The following DIAPH2 variants were observed in gnomAD, a reference collection of about 807,000 sequenced individuals.
DIAPH2 encodes diaphanous related formin 2.
A neutral mutation model predicts 92.7 loss-of-function variants in DIAPH2; 35 were observed. That is an observed-to-expected ratio of 0.38 (90% CI 0.29 to 0.50). DIAPH2 has a LOEUF of 0.50. DIAPH2 is among the 20% of genes least tolerant of loss of function. The pLI, the probability that DIAPH2 is intolerant of heterozygous loss-of-function variation, is 0.94. For missense variants in DIAPH2, 701 were observed against 819.5 expected, an observed-to-expected ratio of 0.86 and a Z score of 1.77; for synonymous variants, 301 against 280.4, an observed-to-expected ratio of 1.07 and a Z score of -0.73.
At chrX:97,223,683 G>A (rs1488728214) in intron 22 of DIAPH2, among the ~76,000 whole-genome samples, 1 of 110,247 alleles carries the variant, frequency 9.1e-6, no homozygotes, top group Non-Finnish European at 1.9e-5. Context: ...ATTCTCTATT[G>A]TGTAGTAAAG....
intron 23 of DIAPH2, among the ~76,000 whole-genome samples, chrX:97,317,976 A>G (rs2068854093): frequency 8.9e-6 from 1 of 111,831 alleles, no homozygotes; most frequent in Non-Finnish European, 1.9e-5. Flanking sequence ...GAGAAATTAT[A>G]TAAGATACAA....
At chrX:97,071,541 G>A (rs193115718) in intron 17 of DIAPH2, among the ~76,000 whole-genome samples, 3 of 111,089 alleles carry the variant, frequency 2.7e-5, no homozygotes, top group South Asian at 3.8e-4. Flanking sequence ...CTTTAGATTG[G>A]CCAGTCTGGT....
At chrX:97,140,833 A>C (rs753584753) in intron 21 of DIAPH2, among the ~76,000 whole-genome samples, 2 of 111,902 alleles carry the variant, frequency 1.8e-5, no homozygotes, top group East Asian at 5.6e-4. Flanking sequence ...ATTCCAAATC[A>C]GTATGAACAT....
chrX:97,039,719 C>T (rs1216653525), intron 17 of DIAPH2, among the ~76,000 whole-genome samples: 1 of 111,377 alleles, frequency 9.0e-6, no homozygotes, highest in Non-Finnish European at 1.9e-5. Context: ...CTGGGAGGAG[C>T]TCACTCTCAT....
intron 22 of DIAPH2, among the ~76,000 whole-genome samples, chrX:97,198,993 AAAG>A (rs1280321328): frequency 1.8e-5 from 2 of 110,358 alleles, no homozygotes; most frequent in Admixed American, 9.9e-5. Context: ...GTGAATGTAG[AAAG>A]AAGAATTCAC....
At chrX:96,827,932 C>G (rs2064826026) in intron 4 of DIAPH2, among the ~76,000 whole-genome samples, 1 of 111,278 alleles carries the variant, frequency 9.0e-6, no homozygotes, top group African/African-American at 3.3e-5. Flanking sequence ...CCTCGCCCGG[C>G]TAATTTTTTG....
At chrX:97,323,126 G>C (rs2068914431) in intron 23 of DIAPH2, among the ~76,000 whole-genome samples, 1 of 105,622 alleles carries the variant, frequency 9.5e-6, no homozygotes. Flanking sequence ...GGCTGGTCTC[G>C]ATCTGCTGAC....
At chrX:97,516,209 C>T (rs760341109) in intron 26 of DIAPH2, among the ~76,000 whole-genome samples, 4 of 109,622 alleles carry the variant, frequency 3.6e-5, no homozygotes, top group Non-Finnish European at 5.7e-5. Context: ...GAGCCGAGAT[C>T]GCGCCACTGC....
chrX:97,261,471 T>C (rs771878335), intron 23 of DIAPH2, among the ~76,000 whole-genome samples: 8 of 112,786 alleles, frequency 7.1e-5, no homozygotes, highest in Non-Finnish European at 1.5e-4. Flanking sequence ...TGTAAGTCAT[T>C]GCTTTGCTTT....
At chrX:97,252,044 C>A (rs749825673) in intron 23 of DIAPH2, among the ~76,000 whole-genome samples, 5 of 111,742 alleles carry the variant, frequency 4.5e-5, no homozygotes, top group Non-Finnish European at 9.4e-5. Flanking sequence ...GAAAAGAAAC[C>A]CATTCTTAAA....
intron 22 of DIAPH2, among the ~76,000 whole-genome samples, chrX:97,145,938 C>G (rs2067243647): frequency 9.3e-6 from 1 of 107,143 alleles, no homozygotes; most frequent in Non-Finnish European, 1.9e-5. Flanking sequence ...TTCACCTGCC[C>G]TGTACTCTAA....
chrX:97,026,909 A>T (rs1219098914), intron 17 of DIAPH2, among the ~76,000 whole-genome samples: 1 of 112,179 alleles, frequency 8.9e-6, no homozygotes, highest in African/African-American at 3.2e-5. Context: ...TCAGTATTCT[A>T]GCATTATTTT....
At chrX:97,017,800 C>A (rs1036261313) in intron 17 of DIAPH2, among the ~76,000 whole-genome samples, 2 of 111,355 alleles carry the variant, frequency 1.8e-5, no homozygotes, top group African/African-American at 6.5e-5. Context: ...CCCTTTTTTC[C>A]CAATTACTGG....
intron 26 of DIAPH2, among the ~76,000 whole-genome samples, chrX:97,596,839 T>C (rs759261403): frequency 2.2e-4 from 24 of 111,608 alleles, no homozygotes; most frequent in Non-Finnish European, 7.5e-5. Context: ...AAAACATGAC[T>C]CCAAACGTGG....
chrX:97,077,204 G>T (rs2066711117), intron 19 of DIAPH2, among the ~76,000 whole-genome samples: 1 of 111,126 alleles, frequency 9.0e-6, no homozygotes, highest in South Asian at 3.8e-4. Flanking sequence ...GATGCTCCTG[G>T]GTAGAAATAA....
In DIAPH2 at chrX:97,112,765, C is replaced by CTTTTTTTTTTTTTTTTTTTTTT. The variant is rs60721723; in HGVS notation, c.2350-1952_2350-1931dup. 8.1e-5 allele frequency among the ~76,000 whole-genome samples: 3 copies of CTTTTTTTTTTTTTTTTTTTTTT among 37,245 alleles called. 1 individual carries two copies. Among genetic ancestry groups the CTTTTTTTTTTTTTTTTTTTTTT allele is most frequent in the African/African-American group, 3.6e-4 (3 of 8,247 alleles). The allele number at this position is 37,245 out of a possible 115,157, so 32.3% of individuals were successfully genotyped here. A position where few individuals can be genotyped will look rare whatever the true frequency, so the allele number is the denominator to read the frequency against. On this transcript the variant is annotated intron_variant, in intron 20 of 26. Transcript: ENST00000324765. ...CTTCCTTCCTTCTTTCCCTTTCTTTCTTTTTTTTTTTTTTTTTTTTTTTTT... is the reference window on the plus strand; with the variant it reads ...CTTCCTTCCTTCTTTCCCTTTCTTTCTTTTTTTTTTTTTTTTTTTTTTTTTTTTTTTTTTTTTTTTTTTTTTT...
At chrX:96,984,473 A>G (rs990517632) in intron 17 of DIAPH2, among the ~76,000 whole-genome samples, 1 of 110,943 alleles carries the variant, frequency 9.0e-6, no homozygotes, top group Non-Finnish European at 1.9e-5. Flanking sequence ...TTACGGTCAA[A>G]AGAATTACTA....
At chrX:97,597,290 G>C (rs1220560150) in intron 26 of DIAPH2, among the ~76,000 whole-genome samples, 1 of 112,269 alleles carries the variant, frequency 8.9e-6, no homozygotes, top group Non-Finnish European at 1.9e-5. Context: ...TGTTTATCCT[G>C]CCTTGCAAAA....
chrX:97,277,123 G>T (rs1311085622), intron 23 of DIAPH2, among the ~76,000 whole-genome samples: 1 of 112,124 alleles, frequency 8.9e-6, no homozygotes, highest in African/African-American at 3.2e-5. Flanking sequence ...GATCACCTGA[G>T]GTCAGGAGTT....
Sources: allele counts gnomAD v4.1 joint callset (sites outside exome capture counted in the v4.1 genomes callset), GRCh38; gene constraint gnomAD v4.1.1; transcripts MANE v1.5; gene names NCBI Gene and HGNC (gene_info 2026-07-23, HGNC 2026-07-21).